The following ABCA9 variants were observed in gnomAD, a reference collection of about 807,000 sequenced individuals.
ABCA9 encodes the protein ATP binding cassette subfamily A member 9, also known as ATP-binding cassette sub-family A member 9.
ABCA9 carries 183 observed loss-of-function variants against 205.3 expected under a neutral mutation model. That is an observed-to-expected ratio of 0.89 (90% confidence interval 0.79 to 1.01). The LOEUF is 1.01. ABCA9 is among the 50% of genes least tolerant of loss of function. The pLI is 0.00. For synonymous variants in ABCA9, 651 were observed against 683.3 expected, an observed-to-expected ratio of 0.95 and a Z score of 0.74; for missense variants, 1,805 against 1,912.4, an observed-to-expected ratio of 0.94 and a Z score of 1.05.
At chr17:69,075,662 A>G in the ABCA9 span, among the ~76,000 whole-genome samples, 3 of 152,104 alleles carry the variant, frequency 2.0e-5, no homozygotes, top group Non-Finnish European at 4.4e-5. Context: ...TATAGTTTGA[A>G]GTCAAGTAAT....
intron 1 of ABCA9, among the ~76,000 whole-genome samples, chr17:69,052,020 G>A (rs546676504): frequency 1.4e-4 from 22 of 152,258 alleles, no homozygotes; most frequent in African/African-American, 5.3e-4. Context: ...TATTTTGTGT[G>A]CCACGAACTT....
At chr17:69,017,587 T>C (rs1282728972) in intron 21 of ABCA9, 69 bp downstream of exon 21, 1 of 1,553,410 alleles carries the variant, frequency 6.4e-7, no homozygotes, top group Non-Finnish European at 8.8e-7. Context: ...ATTCAGCTGA[T>C]ATGAATTATT....
At chr17:69,050,746 A>G (rs2071876855) in intron 2 of ABCA9, among the ~76,000 whole-genome samples, 1 of 152,310 alleles carries the variant, frequency 6.6e-6, no homozygotes, top group African/African-American at 2.4e-5. Flanking sequence ...AAGAATTGTT[A>G]TCTCTGAAGT....
chr17:69,056,656 A>G (rs191594164), intron 1 of ABCA9, among the ~76,000 whole-genome samples: 33 of 152,340 alleles, frequency 2.2e-4, no homozygotes, highest in African/African-American at 7.9e-4. Context: ...AAAATGAAAT[A>G]CAATTCTGAA....
Position 69,011,258 on chromosome 17 carries a change from T to C in ABCA9, c.3147+718A>G, listed in dbSNP as rs1339636503. 2.0e-5 allele frequency among the ~76,000 whole-genome samples: 3 copies of C among 152,080 alleles called. No individual in the cohort carries two copies. The East Asian group carries it at 5.8e-4, about 29-fold the overall frequency. On this transcript the variant is annotated intron_variant, in intron 23 of 38. Transcript: ENST00000340001. ...GCTTGACAATGGAAATATTGAGATT[T>C]GAACTCAGAGGAGTTTACCCCAAAA...
chr17:69,013,592 G>A (rs2144229847), intron 22 of ABCA9, among the ~76,000 whole-genome samples: 1 of 152,144 alleles, frequency 6.6e-6, no homozygotes, highest in African/African-American at 2.4e-5. Flanking sequence ...ACTCATGACT[G>A]GGTTCATAAA....
chr17:69,025,549 C>T (rs2070951666), intron 16 of ABCA9, among the ~76,000 whole-genome samples: 1 of 151,868 alleles, frequency 6.6e-6, no homozygotes, highest in Non-Finnish European at 1.5e-5. Flanking sequence ...TAGATTGTAA[C>T]AAGTAGTAAT....
chr17:68,984,745 G>T (rs111283353), intron 34 of ABCA9, 140 bp downstream of exon 34: 8 of 1,120,540 alleles, frequency 7.1e-6, no homozygotes, highest in African/African-American at 3.2e-5. Context: ...GTTGTGATTT[G>T]AAATCAGATA....
chr17:69,032,058 CCA>C lies in ABCA9; in HGVS notation c.1445+48_1445+49del, dbSNP rs1282194547. 3.3e-6 allele frequency: 5 copies of C among 1,537,018 alleles called. No homozygotes were observed. In the African/African-American group the frequency reaches 6.8e-5, roughly 21 times the overall value. The stretch of plus-strand genomic sequence containing the variant: ...TCCTAGTGTGTCACCTGACAGATCC[CCA>C]GTCTCTGCCTGTTCTCCATTGGTGC... On this transcript the variant is annotated intron_variant, in intron 10 of 38. Coordinates refer to ENST00000340001, the MANE Select transcript of ABCA9 (RefSeq NM_080283.4).
intron 25 of ABCA9, among the ~76,000 whole-genome samples, chr17:68,998,861 CATT>C (rs1012149089): frequency 6.0e-5 from 9 of 150,620 alleles, no homozygotes; most frequent in African/African-American, 1.2e-4. Context: ...GATGTTTTAT[CATT>C]GTGACTCTGA....
chr17:69,066,233 C>G, the ABCA9 span, among the ~76,000 whole-genome samples: 1 of 152,122 alleles, frequency 6.6e-6, no homozygotes, highest in African/African-American at 2.4e-5. Context: ...TCTCCCACAC[C>G]ATAGATTGTA....
At chr17:69,018,143 A>G (rs1308015154) in intron 20 of ABCA9, 2 of 374,192 alleles carry the variant, frequency 5.3e-6, no homozygotes, top group African/African-American at 4.2e-5. Context: ...ATACACAAAG[A>G]CCTCAGAGGT....
At position 69,033,888 on chromosome 17, in the gene ABCA9, T is replaced by C; in HGVS notation, c.1129-15A>G. ...AAATGTATAAGCTGAAAAAGAAAGA[T>C]ACAGTGAATTTTAAAAGAATTAATA... On this transcript the variant is annotated splice_polypyrimidine_tract_variant and intron_variant, in intron 8 of 38. Transcript: ENST00000340001. 6.4e-7 allele frequency: 1 copy of C among 1,558,744 alleles called. No individual in the cohort carries two copies. The highest frequency in any genetic ancestry group is 1.9e-5 in the Admixed American group (1 of 53,450).
At chr17:69,054,973 CA>C (rs550090870) in intron 1 of ABCA9, among the ~76,000 whole-genome samples, 8 of 149,144 alleles carry the variant, frequency 5.4e-5, no homozygotes, top group South Asian at 2.1e-4. Flanking sequence ...AAACAAAAAA[CA>C]AAAAAAATGA....
chr17:69,045,892 T>C (rs1363543231), intron 3 of ABCA9, among the ~76,000 whole-genome samples: 3 of 152,124 alleles, frequency 2.0e-5, no homozygotes, highest in African/African-American at 4.8e-5. Context: ...TTGTGGGGAT[T>C]ATGGGGATTA....
intron 37 of ABCA9, among the ~76,000 whole-genome samples, chr17:68,977,257 G>A (rs139396238): frequency 8.5e-5 from 13 of 152,172 alleles, no homozygotes; most frequent in East Asian, 7.7e-4. Flanking sequence ...CACCCACCCC[G>A]GGGAGCTGTA....
intron 25 of ABCA9, among the ~76,000 whole-genome samples, chr17:68,997,433 A>G (rs1405432192): frequency 6.6e-6 from 1 of 152,004 alleles, no homozygotes; most frequent in Non-Finnish European, 1.5e-5. Context: ...TGATTCCCAA[A>G]GTTATTTGAT....
At position 68,999,045 on chromosome 17, in the gene ABCA9, G is replaced by A. The variant is rs988816632; in HGVS notation, c.3436-3031C>T. On this transcript the variant is annotated intron_variant, in intron 25 of 38. Transcript: ENST00000340001. ...TGTATAACATATGTAGGTCTACTGAGATCTTCTATTTGCTCTGATAAAGTG... is the reference window on the plus strand; with the variant it reads ...TGTATAACATATGTAGGTCTACTGAAATCTTCTATTTGCTCTGATAAAGTG... 2.6e-5 allele frequency among the ~76,000 whole-genome samples: 4 copies of A among 151,906 alleles called. No individual in the cohort carries two copies. The East Asian group carries it at 7.7e-4, about 29-fold the overall frequency.
the ABCA9 span, among the ~76,000 whole-genome samples, chr17:69,072,334 G>A: frequency 6.6e-6 from 1 of 152,044 alleles, no homozygotes; most frequent in Non-Finnish European, 1.5e-5. Flanking sequence ...AAATGTTAAG[G>A]GCAGCCAGAG....
Sources: allele counts gnomAD v4.1 joint callset (sites outside exome capture counted in the v4.1 genomes callset), GRCh38; gene constraint gnomAD v4.1.1; transcripts MANE v1.5; gene names NCBI Gene and HGNC (gene_info 2026-07-23, HGNC 2026-07-21).